Variants in FMN2 observed in about 807,000 individuals in gnomAD.
FMN2 encodes formin 2, also known as formin-2.
A neutral mutation model predicts 142.3 loss-of-function variants in FMN2; 51 were observed. The observed-to-expected ratio is 0.36, with a 90% CI of 0.29 to 0.45. The LOEUF (loss-of-function observed/expected upper bound fraction) is 0.45, where lower values mean the gene tolerates loss of function less well. FMN2 is among the 20% of genes least tolerant of loss of function. The pLI is 1.00. For missense variants in FMN2, 1,936 were observed against 2,122.8 expected (o/e 0.91, Z 1.73); for synonymous variants, 882 against 869.8 (o/e 1.01, Z -0.25).
At chr1:240,252,560 T>C (rs1480750308) in intron 6 of FMN2, among the ~76,000 whole-genome samples, 2 of 151,576 alleles carry the variant, frequency 1.3e-5, no homozygotes, top group Admixed American at 6.6e-5. Context: ...TTTTTTTTTT[T>C]CAGCTCTTTG....
At chr1:240,381,064 A>C (rs943839363) in intron 14 of FMN2, among the ~76,000 whole-genome samples, 3 of 152,172 alleles carry the variant, frequency 2.0e-5, no homozygotes, top group African/African-American at 7.2e-5. Flanking sequence ...ACAGATGAAC[A>C]GCCAAATTTT....
chr1:240,327,458 T>C (rs1301700324), intron 8 of FMN2, among the ~76,000 whole-genome samples: 2 of 152,212 alleles, frequency 1.3e-5, no homozygotes, highest in East Asian at 3.9e-4. Flanking sequence ...CTGTAGCTTC[T>C]ATAGCAGTTC....
chr1:240,461,329 G>A (rs936318464), intron 16 of FMN2, among the ~76,000 whole-genome samples: 1 of 152,098 alleles, frequency 6.6e-6, no homozygotes, highest in Non-Finnish European at 1.5e-5. Context: ...ATCTACCTTA[G>A]GGGGTTACTG....
intron 3 of FMN2, among the ~76,000 whole-genome samples, chr1:240,185,354 G>A (rs887589292): frequency 1.3e-5 from 2 of 151,898 alleles, no homozygotes; most frequent in African/African-American, 2.4e-5. Context: ...TGACCCTCTA[G>A]AACTCCTATT....
chr1:240,272,164 G>T (rs1331320494), intron 7 of FMN2, among the ~76,000 whole-genome samples: 1 of 152,130 alleles, frequency 6.6e-6, no homozygotes, highest in Non-Finnish European at 1.5e-5. Flanking sequence ...CCTGAAGACA[G>T]CCCACTGCAG....
intron 7 of FMN2, among the ~76,000 whole-genome samples, chr1:240,277,947 C>A (rs1331790322): frequency 6.6e-6 from 1 of 152,028 alleles, no homozygotes; most frequent in Non-Finnish European, 1.5e-5. Flanking sequence ...AAATGGAACT[C>A]AAATGTTTAT....
At chr1:240,328,931 T>C in intron 8 of FMN2, 145 bp from the exon 9 acceptor site, 1 of 718,510 alleles carries the variant, frequency 1.4e-6, no homozygotes, top group Non-Finnish European at 2.3e-6. Flanking sequence ...AAGTCAAGCT[T>C]TACTATATAC....
intron 8 of FMN2, among the ~76,000 whole-genome samples, chr1:240,320,274 A>G (rs1670928066): frequency 6.6e-6 from 1 of 152,058 alleles, no homozygotes. Context: ...ACTGGGGGAG[A>G]GGGAAGGTTT....
At chr1:240,328,083 G>T (rs1054624462) in intron 8 of FMN2, among the ~76,000 whole-genome samples, 1 of 141,820 alleles carries the variant, frequency 7.1e-6, no homozygotes, top group Non-Finnish European at 1.5e-5. Context: ...GGGAGGCGCA[G>T]GTTGTAGTGA....
chr1:240,228,303 C>CAAAAAAAAAAAAAAA (rs577421634), intron 6 of FMN2, among the ~76,000 whole-genome samples: 29 of 47,732 alleles, frequency 6.1e-4, no homozygotes, highest in Non-Finnish European at 8.0e-4. Flanking sequence ...AACTCTGTCT[C>CAAAAAAAAAAAAAAA]AAAAAAAAAA....
chr1:240,164,387 C>A (rs772846915), intron 2 of FMN2, among the ~76,000 whole-genome samples: 22 of 152,154 alleles, frequency 1.4e-4, no homozygotes, highest in Non-Finnish European at 2.2e-4. Flanking sequence ...TATATTATCT[C>A]CACAGGACAT....
chr1:240,405,169 G>A (rs1674105306), intron 15 of FMN2, among the ~76,000 whole-genome samples: 1 of 152,134 alleles, frequency 6.6e-6, no homozygotes, highest in Admixed American at 6.5e-5. Context: ...TGTGTTTGCC[G>A]GGGATTCTAA....
intron 6 of FMN2, among the ~76,000 whole-genome samples, chr1:240,248,341 C>G (rs984437471): frequency 7.0e-6 from 1 of 143,452 alleles, no homozygotes; most frequent in East Asian, 2.1e-4. Context: ...GGATAATATT[C>G]TGTTGTGTAT....
chr1:240,291,493 T>A (rs1173126715), intron 7 of FMN2, among the ~76,000 whole-genome samples: 1 of 152,184 alleles, frequency 6.6e-6, no homozygotes, highest in East Asian at 1.9e-4. Flanking sequence ...TGTAATCACA[T>A]TAACACCTTG....
At chr1:240,154,249 G>C (rs1421980525) in intron 2 of FMN2, among the ~76,000 whole-genome samples, 2 of 151,954 alleles carry the variant, frequency 1.3e-5, no homozygotes, top group African/African-American at 4.8e-5. Flanking sequence ...AGAATTCTCA[G>C]TTCAAACACA....
intron 8 of FMN2, among the ~76,000 whole-genome samples, chr1:240,322,134 G>A (rs1048266957): frequency 1.6e-4 from 25 of 152,000 alleles, no homozygotes; most frequent in Non-Finnish European, 3.5e-4. Context: ...AAAATTTTGA[G>A]TCAAAATTCA....
At chr1:240,185,065 CTTCTCT>C (rs1665363229) in intron 3 of FMN2, among the ~76,000 whole-genome samples, 1 of 149,542 alleles carries the variant, frequency 6.7e-6, no homozygotes, top group African/African-American at 2.5e-5. Context: ...ATACCTTCCC[CTTCTCT>C]TTCTCCCTCC....
chr1:240,143,822 G>A, intron 2 of FMN2: 1 of 1,538,420 alleles, frequency 6.5e-7, no homozygotes, highest in Non-Finnish European at 9.0e-7. Flanking sequence ...ACAGGCTAGA[G>A]CTGTCACACC....
intron 15 of FMN2, among the ~76,000 whole-genome samples, chr1:240,432,976 C>A (rs977403065): frequency 2.0e-5 from 3 of 152,064 alleles, no homozygotes; most frequent in African/African-American, 7.2e-5. Flanking sequence ...CCAACTGGGT[C>A]AGTTTTTGAT....
Sources: allele counts gnomAD v4.1 joint callset (sites outside exome capture counted in the v4.1 genomes callset), GRCh38; gene constraint gnomAD v4.1.1; transcripts MANE v1.5; gene names NCBI Gene and HGNC (gene_info 2026-07-23, HGNC 2026-07-21).